CEMIP2: variants seen among roughly 807,000 people sequenced by gnomAD.
CEMIP2 encodes cell surface hyaluronidase CEMIP2.
Under a neutral mutation model 146.9 loss-of-function variants are expected in CEMIP2, and 79 were observed. The ratio of observed to expected loss-of-function variants is 0.54; its 90% CI spans 0.45 to 0.65. The LOEUF is 0.65. Among genes scored for constraint, CEMIP2 ranks in the 30% least tolerant of loss-of-function variants. The pLI, the probability that CEMIP2 is intolerant of heterozygous loss-of-function variation, is 0.00. For missense variants in CEMIP2, 1,596 were observed against 1,696.2 expected, an observed-to-expected ratio of 0.94 and a Z score of 1.04; for synonymous variants, 601 against 606.3, an observed-to-expected ratio of 0.99 and a Z score of 0.13.
At chr9:71,692,923 GACAACA>G (rs142273515) in intron 21 of CEMIP2, among the ~76,000 whole-genome samples, 1 of 150,764 alleles carries the variant, frequency 6.6e-6, no homozygotes, top group Admixed American at 6.6e-5. Context: ...ACAAACAAAC[GACAACA>G]ACAACAACAA....
At chr9:71,692,358 AC>A (rs1169048711) in intron 21 of CEMIP2, among the ~76,000 whole-genome samples, 2 of 50,762 alleles carry the variant, frequency 3.9e-5, no homozygotes, top group African/African-American at 2.7e-4. Flanking sequence ...CTCTCTCTCT[AC>A]CCCCCATCTC....
intron 12 of CEMIP2, among the ~76,000 whole-genome samples, chr9:71,720,492 G>T (rs1351468634): frequency 6.6e-6 from 1 of 152,022 alleles, no homozygotes; most frequent in Non-Finnish European, 1.5e-5. Context: ...GGGCTTCACC[G>T]TGTTGGCCAG....
At position 71,685,142 on chromosome 9, in the gene CEMIP2, T is replaced by G. The variant is rs1188640409; in HGVS notation, c.*55A>C. On this transcript the variant is annotated 3_prime_UTR_variant, in exon 24 of 24. Coordinates refer to ENST00000377044, the MANE Select transcript of CEMIP2 (RefSeq NM_013390.3). ...CAGTGTCATTTTAAAATGCCATAAA[T>G]TAAATAAGTTAGTTCACATTTTTTT... 6.9e-7 allele frequency: 1 copy of G among 1,457,904 alleles called. No individual in the cohort carries two copies. Among genetic ancestry groups the G allele is most frequent in the Non-Finnish European group, 9.2e-7 (1 of 1,087,524 alleles). 90.3% of individuals were successfully genotyped at this position (1,457,904 alleles called of 1,614,324 possible).
At position 71,685,134 on chromosome 9, in the gene CEMIP2, G is replaced by A; in HGVS notation, c.*63C>T. The A allele has an allele frequency of 1.4e-6, 2 of 1,429,702 alleles. No homozygotes were observed. Among genetic ancestry groups the A allele is most frequent in the Non-Finnish European group, 1.9e-6 (2 of 1,065,850 alleles). 88.6% of individuals were successfully genotyped at this position (1,429,702 alleles called of 1,614,324 possible). On this transcript the variant is annotated 3_prime_UTR_variant, in exon 24 of 24. Coordinates refer to ENST00000377044, the MANE Select transcript of CEMIP2 (RefSeq NM_013390.3). ...TGGGTTAACAGTGTCATTTTAAAAT[G>A]CCATAAATTAAATAAGTTAGTTCAC...
chr9:71,728,605 C>A (rs1337406284), intron 10 of CEMIP2, among the ~76,000 whole-genome samples: 1 of 151,774 alleles, frequency 6.6e-6, no homozygotes, highest in Admixed American at 6.6e-5. Flanking sequence ...CCAAAAATAT[C>A]ATTTAGTCTC....
In CEMIP2 at chr9:71,716,559, A is replaced by T. The variant is rs202167868; in HGVS notation, c.2400-7T>A. 390 of 1,590,300 alleles carry T rather than the reference A, an allele frequency of 2.5e-4. No individual in the cohort carries two copies. The highest frequency in any genetic ancestry group is 3.1e-4 in the Non-Finnish European group (366 of 1,168,562). ...TATTCCATTATCTGCAAATCTGTAA[A>T]AGAAGAGAGAATGAAGAACATTTTA... On this transcript the variant is annotated splice_polypyrimidine_tract_variant and splice_region_variant and intron_variant, in intron 13 of 23. Transcript: ENST00000377044.
At chr9:71,718,134 G>A (rs1316907457) in intron 12 of CEMIP2, 55 bp from the exon 13 acceptor site, 5 of 1,494,728 alleles carry the variant, frequency 3.3e-6, no homozygotes, top group African/African-American at 2.8e-5. Flanking sequence ...ATAGGAATTA[G>A]CTAGTTATAA....
At chr9:71,691,220 GT>G (rs757015549) in intron 21 of CEMIP2, among the ~76,000 whole-genome samples, 2 of 152,064 alleles carry the variant, frequency 1.3e-5, no homozygotes, top group African/African-American at 2.4e-5. Context: ...ATCACCTGAG[GT>G]TAGGAGTTCA....
chr9:71,763,060 TAA>T (rs771563548), intron 1 of CEMIP2, among the ~76,000 whole-genome samples: 13 of 137,446 alleles, frequency 9.5e-5, no homozygotes, highest in African/African-American at 1.1e-4. Context: ...AACCACAACT[TAA>T]AAAAAAAAAA....
At chr9:71,707,697 A>T (rs1822790605) in intron 17 of CEMIP2, among the ~76,000 whole-genome samples, 2 of 152,212 alleles carry the variant, frequency 1.3e-5, no homozygotes, top group Admixed American at 1.3e-4. Flanking sequence ...TAGAGGGGAA[A>T]TAGCACAGCA....
chr9:71,710,210 C>CA (rs1460732547), intron 16 of CEMIP2, among the ~76,000 whole-genome samples: 1 of 152,178 alleles, frequency 6.6e-6, no homozygotes, highest in East Asian at 1.9e-4. Flanking sequence ...TGTACAGCTG[C>CA]AAAATGGGCT....
At position 71,725,604 on chromosome 9, in the gene CEMIP2, T is replaced by C; in HGVS notation, c.2155A>G (p.Asn719Asp). 1 of 1,614,014 alleles carries C rather than the reference T, an allele frequency of 6.2e-7. No individual in the cohort carries two copies. The highest frequency in any genetic ancestry group is 8.5e-7 in the Non-Finnish European group (1 of 1,179,962). ...ACCTTAAAATTTGAATGGACCCTGTTGTTATAAAATATACCCAATGGAGTG... is the reference window on the plus strand; with the variant it reads ...ACCTTAAAATTTGAATGGACCCTGTCGTTATAAAATATACCCAATGGAGTG... ...ELTPLGIFYN[N>D]RVHSNFKAGL... is the part of the protein sequence containing the mutation. Residue 719 changes from asparagine (N) to aspartate (D), a missense_variant, in exon 11 of 24, where the codon AAC becomes GAC. Transcript: ENST00000377044.
intron 19 of CEMIP2, 186 bp from the exon 20 acceptor site, chr9:71,698,390 A>C (rs1374514101): frequency 3.4e-6 from 2 of 588,586 alleles, no homozygotes. Context: ...AGTCAAATGC[A>C]GTAACACTTT....
chr9:71,764,201 C>T (rs1340681593), intron 1 of CEMIP2, among the ~76,000 whole-genome samples: 2 of 152,114 alleles, frequency 1.3e-5, no homozygotes, highest in East Asian at 1.9e-4. Context: ...AAAGCTAATG[C>T]TATTTTTACA....
At position 71,734,833 on chromosome 9, in the gene CEMIP2, A is replaced by T; in HGVS notation, c.1366T>A (p.Cys456Ser). The stretch of plus-strand genomic sequence containing the variant: ...TTGACTTTGACCTGAAAATGGCTGC[A>T]TTCAGAACAGGGAAGAAGAGTGAAC... ...EEFTLLPCSE[C>S]SHFQVKVKET... Residue 456 changes from cysteine (C) to serine (S), a missense_variant, in exon 6 of 24, where the codon TGC becomes AGC. Physicochemically the swap from Cys to Ser is moderately radical, Grantham distance 112 (BLOSUM62 -1). Transcript: ENST00000377044. 1 of 1,612,488 alleles carries T rather than the reference A, an allele frequency of 6.2e-7. No homozygotes were observed. Among genetic ancestry groups the T allele is most frequent in the South Asian group, 1.1e-5 (1 of 90,832 alleles).
chr9:71,721,274 CTTTA>C (rs1430910803), intron 12 of CEMIP2, among the ~76,000 whole-genome samples: 2 of 152,070 alleles, frequency 1.3e-5, no homozygotes, highest in African/African-American at 4.8e-5. Flanking sequence ...AGATAGAATT[CTTTA>C]TTTGCCAGCT....
intron 11 of CEMIP2, among the ~76,000 whole-genome samples, chr9:71,723,736 G>A (rs1480808720): frequency 2.0e-5 from 3 of 152,132 alleles, no homozygotes; most frequent in South Asian, 2.1e-4. Context: ...GTACAGATTC[G>A]GGAGGCATCA....
Position 71,684,980 on chromosome 9 carries a change from G to T in CEMIP2, c.*217C>A. On this transcript the variant is annotated 3_prime_UTR_variant, in exon 24 of 24. Coordinates refer to ENST00000377044, the MANE Select transcript of CEMIP2 (RefSeq NM_013390.3). ...AGAGATCTGCTCTCTGAATACACCA[G>T]CCTTACAAATACAAACAACGTCTTT... 2.1e-6 allele frequency: 1 copy of T among 487,388 alleles called. No individual in the cohort carries two copies. The highest frequency in any genetic ancestry group is 3.6e-6 in the Non-Finnish European group (1 of 277,214). The allele number at this position is 487,388 out of a possible 1,614,324, so 30.2% of individuals were successfully genotyped here. A position where few individuals can be genotyped will look rare whatever the true frequency, so the allele number is the denominator to read the frequency against.
At position 71,750,339 on chromosome 9, in the gene CEMIP2, G is replaced by T; in HGVS notation, c.35C>A (p.Ala12Asp). The change falls in exon 2 of 24, where the codon GCT (alanine) becomes GAT (aspartate). Residue 12 changes from alanine to aspartate, a missense_variant. Coordinates refer to ENST00000377044, the MANE Select transcript of CEMIP2 (RefSeq NM_013390.3). ...ATTTCCATTCTGAGGTTGGAGGAAAGCAGGGGAGTGTCCCCTGGAATCAGT... is the reference window on the plus strand; with the variant it reads ...ATTTCCATTCTGAGGTTGGAGGAAATCAGGGGAGTGTCCCCTGGAATCAGT... ...YATDSRGHSP[A>D]FLQPQNGNSR... 1 of 1,613,780 alleles carries T rather than the reference G, an allele frequency of 6.2e-7. No individual in the cohort carries two copies. Among genetic ancestry groups the T allele is most frequent in the Non-Finnish European group, 8.5e-7 (1 of 1,179,916 alleles).
Sources: gnomAD v4.1 joint callset for allele counts (sites outside exome capture counted in the v4.1 genomes callset) on GRCh38, gnomAD v4.1.1 for gene constraint, MANE v1.5 for transcripts, NCBI Gene and HGNC (gene_info 2026-07-23, HGNC 2026-07-21) for gene names.